Variants in FBN1 observed in about 807,000 individuals in gnomAD.
FBN1 encodes fibrillin 1.
In FBN1, 29 loss-of-function variants were observed where a neutral mutation model predicts 365.1. The ratio of observed to expected loss-of-function variants is 0.08; its 90% CI spans 0.06 to 0.11. FBN1 has a LOEUF of 0.11. Ranked by LOEUF, FBN1 falls within the 10% of genes least tolerant of loss-of-function variation. The pLI is 1.00. For synonymous variants in FBN1, 1,210 were observed against 1,270.5 expected (o/e 0.95, Z 1.01); for missense variants, 2,476 against 3,703.2 (o/e 0.67, Z 8.60).
chr15:48,503,650 C>A, intron 17 of FBN1, 137 bp downstream of exon 17: 1 of 1,099,374 alleles, frequency 9.1e-7, no homozygotes, highest in Non-Finnish European at 1.4e-6. Flanking sequence ...ACTGGCTGGC[C>A]TCTGCCAAGA....
chr15:48,600,633 G>T (rs560154324), intron 4 of FBN1, among the ~76,000 whole-genome samples: 136 of 152,274 alleles, frequency 8.9e-4, no homozygotes, highest in African/African-American at 3.2e-3. Context: ...GAACCTGGGG[G>T]GGCAGAGGTT....
At chr15:48,444,684 G>A (rs754609609) in intron 48 of FBN1, 24 bp from the exon 49 acceptor site, 7 of 1,612,602 alleles carry the variant, frequency 4.3e-6, no homozygotes, top group Non-Finnish European at 5.9e-6. Context: ...GGAAAAATAA[G>A]GAAGAGGTTC....
rs56146851 is a variant in FBN1, at chr15:48,427,428, T to C, written c.7204+139A>G. ...ATGACCTCAAATGTCTAAAACTCCA[T>C]AATGAAGAATTTTTGTTGGCCTCAG... On this transcript the variant is annotated intron_variant, in intron 58 of 65. Transcript: ENST00000316623. The C allele has an allele frequency of 2.6e-4, 226 of 878,844 alleles. 1 individual carries two copies. The East Asian group carries it at 5.6e-3, about 22-fold the overall frequency. 54.4% of individuals were successfully genotyped at this position (878,844 alleles called of 1,614,324 possible).
chr15:48,426,995 A>C (rs2042983793), intron 58 of FBN1, among the ~76,000 whole-genome samples: 1 of 152,212 alleles, frequency 6.6e-6, no homozygotes, highest in Non-Finnish European at 1.5e-5. Flanking sequence ...TTATGAACTA[A>C]AAACCAATTG....
rs1383901118 is a variant in FBN1, at chr15:48,487,430, A to G, written c.3345T>C (p.Asp1115=). 1 of 1,614,000 alleles carries G rather than the reference A, an allele frequency of 6.2e-7. No individual in the cohort carries two copies. The highest frequency in any genetic ancestry group is 8.5e-7 in the Non-Finnish European group (1 of 1,179,992). ...ATAGGAGAGGATCTCTCTGACACTC[A>G]TCAATATCTGCAAAATGGAAATGAC... ...FMMMKNCMDI[D]ECQRDPLLCR... The change falls in exon 28 of 66, where the codon GAT becomes GAC. Residue 1115 remains aspartate (D), a synonymous_variant. Coordinates refer to ENST00000316623, the MANE Select transcript of FBN1 (RefSeq NM_000138.5).
intron 2 of FBN1, among the ~76,000 whole-genome samples, chr15:48,623,204 T>C (rs758686361): frequency 6.6e-6 from 1 of 152,222 alleles, no homozygotes; most frequent in African/African-American, 2.4e-5. Context: ...AAGATTAATA[T>C]CATCTCCTCA....
chr15:48,532,878 T>C (rs1287350654), intron 8 of FBN1, among the ~76,000 whole-genome samples: 1 of 152,192 alleles, frequency 6.6e-6, no homozygotes, highest in African/African-American at 2.4e-5. Flanking sequence ...TTTTCACAAC[T>C]ACCCCGAATA....
In FBN1 at chr15:48,463,882, GA is replaced by G. The variant is rs1416541031; in HGVS notation, c.5065+16del. 6.2e-7 allele frequency: 1 copy of G among 1,601,998 alleles called. No individual in the cohort carries two copies. The highest frequency in any genetic ancestry group is 2.3e-5 in the East Asian group (1 of 44,094). On this transcript the variant is annotated intron_variant, in intron 41 of 65. Coordinates refer to ENST00000316623, the MANE Select transcript of FBN1 (RefSeq NM_000138.5). ...ATGAGAACCAAACATGCATTACTGA[GA>G]AAAGCTTGGACTTACCCATGCAATT...
chr15:48,568,064 GA>G (rs1318106705), intron 6 of FBN1, among the ~76,000 whole-genome samples: 1 of 90,112 alleles, frequency 1.1e-5, no homozygotes, highest in Non-Finnish European at 2.2e-5. Flanking sequence ...AAGAAAGAAA[GA>G]AAGAAAGAAA....
At chr15:48,500,442 C>T (rs2043644975) in intron 17 of FBN1, among the ~76,000 whole-genome samples, 1 of 152,108 alleles carries the variant, frequency 6.6e-6, no homozygotes, top group African/African-American at 2.4e-5. Context: ...TGGAAGCAGC[C>T]CTTTTCCTCT....
At chr15:48,507,282 A>G (rs1047038695) in intron 15 of FBN1, among the ~76,000 whole-genome samples, 5 of 152,262 alleles carry the variant, frequency 3.3e-5, no homozygotes, top group African/African-American at 1.2e-4. Flanking sequence ...ATATTCCAGC[A>G]ATCATTCTCT....
At chr15:48,433,857 T>C (rs897889777) in intron 54 of FBN1, among the ~76,000 whole-genome samples, 1 of 152,132 alleles carries the variant, frequency 6.6e-6, no homozygotes, top group Non-Finnish European at 1.5e-5. Context: ...TGCCTTCACC[T>C]CTCCTTCATT....
At chr15:48,627,783 C>T (rs903318236) in intron 2 of FBN1, among the ~76,000 whole-genome samples, 2 of 152,216 alleles carry the variant, frequency 1.3e-5, no homozygotes, top group African/African-American at 4.8e-5. Flanking sequence ...ATTTCCCTCT[C>T]AGTGTGAGTG....
At chr15:48,438,281 T>C (rs1053762770) in intron 50 of FBN1, among the ~76,000 whole-genome samples, 8 of 152,216 alleles carry the variant, frequency 5.3e-5, no homozygotes, top group African/African-American at 1.4e-4. Context: ...GATTCCTTCA[T>C]TGATAGCTCT....
At chr15:48,449,730 C>T (rs916041789) in intron 45 of FBN1, among the ~76,000 whole-genome samples, 9 of 152,112 alleles carry the variant, frequency 5.9e-5, no homozygotes, top group Non-Finnish European at 1.3e-4. Flanking sequence ...TCTGATTTTC[C>T]TACTGTCACA....
At chr15:48,481,095 C>T (rs1455601258) in intron 32 of FBN1, among the ~76,000 whole-genome samples, 1 of 152,148 alleles carries the variant, frequency 6.6e-6, no homozygotes, top group Non-Finnish European at 1.5e-5. Context: ...GACAACATTG[C>T]AAATGGTTTC....
chr15:48,568,207 A>T (rs1012172170), intron 6 of FBN1, among the ~76,000 whole-genome samples: 41 of 151,828 alleles, frequency 2.7e-4, no homozygotes, highest in Non-Finnish European at 5.3e-4. Flanking sequence ...GAGCAGTCAT[A>T]GTTTTATATA....
At chr15:48,595,140 G>A (rs1489662916) in intron 6 of FBN1, among the ~76,000 whole-genome samples, 1 of 152,128 alleles carries the variant, frequency 6.6e-6, no homozygotes, top group Non-Finnish European at 1.5e-5. Flanking sequence ...TAATCGACCT[G>A]GAATTTCTTG....
At chr15:48,419,280 T>G (rs2042923036) in intron 63 of FBN1, among the ~76,000 whole-genome samples, 1 of 152,214 alleles carries the variant, frequency 6.6e-6, no homozygotes, top group Non-Finnish European at 1.5e-5. Context: ...AGGACACTAG[T>G]GCATGGCCTG....
Sources: allele counts gnomAD v4.1 joint callset (sites outside exome capture counted in the v4.1 genomes callset), GRCh38; gene constraint gnomAD v4.1.1; transcripts MANE v1.5; gene names NCBI Gene and HGNC (gene_info 2026-07-23, HGNC 2026-07-21).